L3MBTL4: variants seen among roughly 807,000 people sequenced by gnomAD.
The protein encoded by L3MBTL4 is L3MBTL histone methyl-lysine binding protein 4, also known as lethal(3)malignant brain tumor-like protein 4.
In L3MBTL4, 70 loss-of-function variants were observed where a neutral mutation model predicts 84.5. The ratio of observed to expected loss-of-function variants is 0.83; its 90% CI spans 0.68 to 1.01. The LOEUF is 1.01. Ranked by LOEUF, L3MBTL4 falls within the 50% of genes least tolerant of loss-of-function variation. The pLI is 0.00. For missense variants in L3MBTL4, 715 were observed against 754.8 expected, an observed-to-expected ratio of 0.95 and a Z score of 0.62; for synonymous variants, 274 against 259.8, an observed-to-expected ratio of 1.05 and a Z score of -0.52.
intron 16 of L3MBTL4, among the ~76,000 whole-genome samples, chr18:5,998,864 C>A (rs1367339682): frequency 6.6e-6 from 1 of 152,202 alleles, no homozygotes; most frequent in African/African-American, 2.4e-5. Context: ...CTGGGATAGT[C>A]TCTGCCTTCA....
At chr18:6,371,904 C>T (rs2054173474) in intron 1 of L3MBTL4, among the ~76,000 whole-genome samples, 1 of 152,190 alleles carries the variant, frequency 6.6e-6, no homozygotes, top group African/African-American at 2.4e-5. Flanking sequence ...TCCACAATAG[C>T]CTCTCTTCAA....
chr18:6,015,883 C>A (rs1190293628), intron 16 of L3MBTL4, among the ~76,000 whole-genome samples: 1 of 152,186 alleles, frequency 6.6e-6, no homozygotes, highest in African/African-American at 2.4e-5. Flanking sequence ...TCGCTTGAAT[C>A]CGGGACGCGG....
chr18:6,367,033 G>C (rs368366682), intron 1 of L3MBTL4, among the ~76,000 whole-genome samples: 5 of 152,222 alleles, frequency 3.3e-5, no homozygotes, highest in African/African-American at 1.2e-4. Context: ...CCCACAGCAG[G>C]TGCCAGAAGG....
intron 15 of L3MBTL4, among the ~76,000 whole-genome samples, chr18:6,083,086 A>G (rs762097515): frequency 7.2e-5 from 11 of 152,180 alleles, no homozygotes; most frequent in Non-Finnish European, 1.0e-4. Flanking sequence ...TCAGGTCTTA[A>G]TGGAGCCAAA....
intron 12 of L3MBTL4, among the ~76,000 whole-genome samples, chr18:6,210,327 G>C (rs1210498540): frequency 6.6e-6 from 1 of 152,104 alleles, no homozygotes; most frequent in Non-Finnish European, 1.5e-5. Flanking sequence ...AAAGTGAGTG[G>C]GGTCATGGGC....
intron 16 of L3MBTL4, among the ~76,000 whole-genome samples, chr18:6,012,053 A>C (rs766130365): frequency 6.6e-6 from 1 of 152,112 alleles, no homozygotes; most frequent in Non-Finnish European, 1.5e-5. Context: ...ATCTGAAATA[A>C]CTCCTTAAAC....
In L3MBTL4 at chr18:6,066,640, G is replaced by A. The variant is rs149803853; in HGVS notation, c.1444+14241C>T. On this transcript the variant is annotated intron_variant, in intron 16 of 18. Transcript: ENST00000317931. ...TAACTGTCTTTTTTTAACTGTTGTT[G>A]CTTTAAAGTCTGTTTTGTGTGATAT... 3.1e-3 allele frequency among the ~76,000 whole-genome samples: 478 copies of A among 152,040 alleles called. 2 individuals carry two copies. Among genetic ancestry groups the A allele is most frequent in the African/African-American group, 0.011 (459 of 41,492 alleles).
intron 14 of L3MBTL4, among the ~76,000 whole-genome samples, chr18:6,098,104 T>A (rs977298785): frequency 3.3e-5 from 5 of 152,172 alleles, no homozygotes; most frequent in African/African-American, 1.2e-4. Context: ...TACTCTCCTC[T>A]TGCATCAACA....
intron 15 of L3MBTL4, among the ~76,000 whole-genome samples, chr18:6,086,257 C>T (rs943584908): frequency 2.0e-5 from 3 of 152,072 alleles, no homozygotes; most frequent in Non-Finnish European, 4.4e-5. Context: ...TTCTGGGGTG[C>T]GGGAACACTA....
chr18:6,256,474 T>A (rs1466114247), intron 5 of L3MBTL4, among the ~76,000 whole-genome samples: 1 of 151,526 alleles, frequency 6.6e-6, no homozygotes, highest in Non-Finnish European at 1.5e-5. Context: ...CAAAAATAAA[T>A]GCAACCTTAT....
chr18:6,282,651 G>C (rs892509337), intron 4 of L3MBTL4, among the ~76,000 whole-genome samples: 2 of 152,158 alleles, frequency 1.3e-5, no homozygotes, highest in Admixed American at 6.5e-5. Context: ...CTATCCTACA[G>C]GCAATGGGAA....
chr18:6,053,038 T>A (rs1273874384), intron 16 of L3MBTL4, among the ~76,000 whole-genome samples: 3 of 152,242 alleles, frequency 2.0e-5, no homozygotes, highest in Non-Finnish European at 4.4e-5. Context: ...AAACGTTGAT[T>A]ATCAACCAGT....
intron 4 of L3MBTL4, among the ~76,000 whole-genome samples, chr18:6,287,076 T>A (rs1023839632): frequency 6.6e-6 from 1 of 152,202 alleles, no homozygotes; most frequent in Non-Finnish European, 1.5e-5. Flanking sequence ...ATTTGACTTT[T>A]GTGTAGTCAG....
At chr18:6,204,200 C>T (rs1039392042) in intron 12 of L3MBTL4, among the ~76,000 whole-genome samples, 5 of 152,222 alleles carry the variant, frequency 3.3e-5, no homozygotes, top group Admixed American at 6.5e-5. Flanking sequence ...AGACACTTCC[C>T]CATGAATATG....
chr18:6,218,610 G>C (rs2046422426), intron 10 of L3MBTL4, among the ~76,000 whole-genome samples: 2 of 152,190 alleles, frequency 1.3e-5, no homozygotes. Context: ...ATTAAAGGCT[G>C]TGACCGTTTT....
At chr18:6,132,822 C>T (rs1011813760) in intron 14 of L3MBTL4, among the ~76,000 whole-genome samples, 3 of 152,126 alleles carry the variant, frequency 2.0e-5, no homozygotes, top group African/African-American at 7.2e-5. Context: ...TGTCCACAGC[C>T]TTCTCAGAAT....
chr18:5,992,345 C>A (rs2053742981), intron 16 of L3MBTL4, among the ~76,000 whole-genome samples: 1 of 152,076 alleles, frequency 6.6e-6, no homozygotes, highest in Admixed American at 6.5e-5. Context: ...GTGTATCAAA[C>A]CTGTAGTATG....
intron 6 of L3MBTL4, among the ~76,000 whole-genome samples, chr18:6,244,166 TA>T (rs1211059998): frequency 6.6e-6 from 1 of 152,164 alleles, no homozygotes; most frequent in East Asian, 1.9e-4. Context: ...TTAGTTCAGC[TA>T]AAATGTGAAT....
chr18:6,145,586 GT>G (rs72394185), intron 13 of L3MBTL4, among the ~76,000 whole-genome samples: 21,995 of 145,038 alleles, frequency 0.15, 1,660 homozygotes, highest in Middle Eastern at 0.23. Context: ...CATTTAGCAA[GT>G]TTTTTTTTTT....
Sources: gnomAD v4.1 joint callset for allele counts (sites outside exome capture counted in the v4.1 genomes callset) on GRCh38, gnomAD v4.1.1 for gene constraint, MANE v1.5 for transcripts, NCBI Gene and HGNC (gene_info 2026-07-23, HGNC 2026-07-21) for gene names.